Variants in CHST11 observed in about 807,000 individuals in gnomAD.
CHST11 encodes the protein carbohydrate sulfotransferase 11.
A neutral mutation model predicts 30.4 loss-of-function variants in CHST11; 9 were observed. The observed-to-expected ratio is 0.30, with a 90% CI of 0.18 to 0.52. The LOEUF (loss-of-function observed/expected upper bound fraction) is 0.52, where lower values mean the gene tolerates loss of function less well. CHST11 is among the 20% of genes least tolerant of loss of function. The probability of loss-of-function intolerance (pLI) is 0.97; values close to 1 mark genes in which losing one functional copy is unlikely to be tolerated. For synonymous variants in CHST11, 152 were observed against 187.8 expected, an observed-to-expected ratio of 0.81 and a Z score of 1.56; for missense variants, 348 against 460.6, an observed-to-expected ratio of 0.76 and a Z score of 2.24.
chr12:104,565,069 C>T (rs921404544), intron 1 of CHST11, among the ~76,000 whole-genome samples: 1 of 151,970 alleles, frequency 6.6e-6, no homozygotes, highest in Non-Finnish European at 1.5e-5. Flanking sequence ...ACAGCCAAAC[C>T]ACATCAGTAT....
chr12:104,460,390 G>A (rs1021120925), intron 1 of CHST11, among the ~76,000 whole-genome samples: 8 of 152,196 alleles, frequency 5.3e-5, no homozygotes, highest in East Asian at 3.8e-4. Context: ...AAGGCAGGGC[G>A]CGGTGGCTCA....
chr12:104,715,963 A>T (rs2040127979), intron 2 of CHST11, among the ~76,000 whole-genome samples: 2 of 152,206 alleles, frequency 1.3e-5, no homozygotes, highest in South Asian at 4.1e-4. Flanking sequence ...CGTGTGCTGC[A>T]GAGAATGAAC....
rs1001497156 is a variant in CHST11, at chr12:104,600,394, C to G, written c.119-1512C>G. On this transcript the variant is annotated intron_variant, in intron 1 of 2. Transcript: ENST00000303694. This position sits in a 1 kb window ranked among gnomAD's most constrained non-coding sequence, Gnocchi z 4.1. ...ACTCCTCATCAGTCCCCTTGATAGC[C>G]ACAAATAGAGAAGTTCCCGCCTTCC... 1.3e-5 allele frequency among the ~76,000 whole-genome samples: 2 copies of G among 152,202 alleles called. No homozygotes were observed. The highest frequency in any genetic ancestry group is 2.9e-5 in the Non-Finnish European group (2 of 68,018).
chr12:104,633,365 C>G (rs2039290277), intron 2 of CHST11, among the ~76,000 whole-genome samples: 2 of 151,204 alleles, frequency 1.3e-5, no homozygotes. Flanking sequence ...GTGTTGGAAG[C>G]CAGAGAACAG....
intron 1 of CHST11, among the ~76,000 whole-genome samples, chr12:104,556,585 A>T (rs1238956664): frequency 6.6e-6 from 1 of 152,180 alleles, no homozygotes; most frequent in Non-Finnish European, 1.5e-5. Context: ...TGGCCCGTAG[A>T]CACGTCTCTC....
intron 1 of CHST11, chr12:104,514,485 A>G (rs1310160755): frequency 7.1e-6 from 5 of 703,852 alleles, no homozygotes; most frequent in Non-Finnish European, 1.3e-5. Flanking sequence ...ACGACTCCAT[A>G]CCATTACTGG....
intron 1 of CHST11, among the ~76,000 whole-genome samples, chr12:104,543,265 C>T (rs565628226): frequency 6.6e-6 from 1 of 152,278 alleles, no homozygotes; most frequent in South Asian, 2.1e-4. Context: ...AGCACCAAGC[C>T]ATTCTTGAGG....
At chr12:104,696,673 G>T (rs955924995) in intron 2 of CHST11, among the ~76,000 whole-genome samples, 1 of 151,522 alleles carries the variant, frequency 6.6e-6, no homozygotes, top group Admixed American at 6.6e-5. Flanking sequence ...CTCAAAAAAA[G>T]AATAAAATAA....
chr12:104,618,435 A>G (rs1248241920), intron 2 of CHST11, among the ~76,000 whole-genome samples: 1 of 149,888 alleles, frequency 6.7e-6, no homozygotes, highest in Non-Finnish European at 1.5e-5. Context: ...GGGTCTCACT[A>G]TGTTGCCCAG....
chr12:104,645,030 C>T (rs1019657231), intron 2 of CHST11, among the ~76,000 whole-genome samples: 2 of 152,200 alleles, frequency 1.3e-5, no homozygotes, highest in Non-Finnish European at 2.9e-5. Flanking sequence ...TCACTGCAAG[C>T]TCTTCCTCCC....
Position 104,729,972 on chromosome 12 carries a change from A to T in CHST11, c.205-26977A>T, listed in dbSNP as rs2040244265. Among the ~76,000 whole-genome samples, 1 of 152,106 alleles carries T rather than the reference A, an allele frequency of 6.6e-6. No homozygotes were observed. The highest frequency in any genetic ancestry group is 1.5e-5 in the Non-Finnish European group (1 of 68,022). On this transcript the variant is annotated intron_variant, in intron 2 of 2. Transcript: ENST00000303694. This position sits in a 1 kb window ranked among gnomAD's most constrained non-coding sequence, Gnocchi z 4.0. ...GTTTCCTGATCTCACCTGTCCCAGG[A>T]CTTGGGGCTCTAAGTAGCATTACAC...
intron 1 of CHST11, among the ~76,000 whole-genome samples, chr12:104,581,391 T>A (rs1015360715): frequency 6.6e-6 from 1 of 152,250 alleles, no homozygotes; most frequent in African/African-American, 2.4e-5. Context: ...CTGTGTCAAC[T>A]GTTTAACAAA....
chr12:104,599,097 C>T lies in CHST11; in HGVS notation c.119-2809C>T, dbSNP rs564832113. On this transcript the variant is annotated intron_variant, in intron 1 of 2. Transcript: ENST00000303694. ...GACTGCCTGTTGCATAGCGAGCACT[C>T]CAGAAACGGTGGGGTTGTTATCATT... 6.6e-5 allele frequency among the ~76,000 whole-genome samples: 10 copies of T among 152,318 alleles called. No individual in the cohort carries two copies. In the South Asian group the frequency reaches 2.1e-3, roughly 32 times the overall value.
intron 2 of CHST11, among the ~76,000 whole-genome samples, chr12:104,755,694 G>C (rs2040469279): frequency 6.6e-6 from 1 of 152,198 alleles, no homozygotes; most frequent in African/African-American, 2.4e-5. Context: ...GCTGAGGCAG[G>C]AGAATTGCTT....
chr12:104,595,564 C>G (rs1007394791), intron 1 of CHST11, among the ~76,000 whole-genome samples: 1 of 152,168 alleles, frequency 6.6e-6, no homozygotes, highest in South Asian at 2.1e-4. Context: ...CCTGGTTGAA[C>G]CTCTTCACCT....
chr12:104,566,954 T>C (rs1251990062), intron 1 of CHST11, among the ~76,000 whole-genome samples: 2 of 152,110 alleles, frequency 1.3e-5, no homozygotes, highest in African/African-American at 4.8e-5. Context: ...GGCAGTCTTC[T>C]TGTAAGGTGA....
chr12:104,542,410 C>CAACT (rs1565980528), intron 1 of CHST11, among the ~76,000 whole-genome samples: 1 of 152,204 alleles, frequency 6.6e-6, no homozygotes, highest in Non-Finnish European at 1.5e-5. Context: ...ATACAATGGA[C>CAACT]AGCTATTCAT....
At chr12:104,716,213 T>G (rs1161568449) in intron 2 of CHST11, among the ~76,000 whole-genome samples, 2 of 152,154 alleles carry the variant, frequency 1.3e-5, no homozygotes, top group African/African-American at 4.8e-5. Flanking sequence ...TCCTTTAGGG[T>G]AGAGAGAAAC....
intron 2 of CHST11, among the ~76,000 whole-genome samples, chr12:104,746,748 C>G (rs1386725146): frequency 6.6e-6 from 1 of 152,172 alleles, no homozygotes; most frequent in African/African-American, 2.4e-5. Context: ...TTCCTAAACC[C>G]TTTACGTTTT....
Sources: allele counts gnomAD v4.1 joint callset (sites outside exome capture counted in the v4.1 genomes callset), GRCh38; gene constraint gnomAD v4.1.1; non-coding constraint Gnocchi (gnomAD v3.1); transcripts MANE v1.5; gene names NCBI Gene and HGNC (gene_info 2026-07-23, HGNC 2026-07-21).